TMEM132D: variants seen among roughly 807,000 people sequenced by gnomAD.
TMEM132D encodes mature OL transmembrane protein.
TMEM132D carries 21 observed loss-of-function variants against 62.3 expected under a neutral mutation model. The ratio of observed to expected loss-of-function variants is 0.34; its 90% confidence interval spans 0.24 to 0.49. The LOEUF is 0.49. TMEM132D is among the 20% of genes least tolerant of loss of function. TMEM132D has a pLI of 0.99. For missense variants in TMEM132D, 1,346 were observed against 1,402.8 expected, an observed-to-expected ratio of 0.96 and a Z score of 0.65; for synonymous variants, 621 against 575.6, an observed-to-expected ratio of 1.08 and a Z score of -1.13.
rs375067511 is a variant in TMEM132D at position 129,338,279 on chromosome 12, T to C, written c.1116-462A>G. On this transcript the variant is annotated intron_variant, in intron 3 of 8. Coordinates refer to ENST00000422113, the MANE Select transcript of TMEM132D (RefSeq NM_133448.3). ...GTCTGAGGGTGACACAGTTGTGTTA[T>C]TGGCAGTGATAAGACAGAATTGCAC... 8.5e-5 allele frequency among the ~76,000 whole-genome samples: 13 copies of C among 152,258 alleles called. No individual in the cohort carries two copies. In the East Asian group the frequency reaches 1.7e-3, roughly 20 times the overall value.
At chr12:129,273,914 T>C (rs1469268911) in intron 4 of TMEM132D, among the ~76,000 whole-genome samples, 3 of 150,526 alleles carry the variant, frequency 2.0e-5, no homozygotes, top group South Asian at 2.1e-4. Flanking sequence ...AAAACAAAAG[T>C]TGAAAAAAAA....
chr12:129,418,946 G>A (rs1229874460), intron 3 of TMEM132D, among the ~76,000 whole-genome samples: 1 of 152,122 alleles, frequency 6.6e-6, no homozygotes, highest in Non-Finnish European at 1.5e-5. Context: ...AGCAACGACA[G>A]CCAGCACAGG....
intron 4 of TMEM132D, among the ~76,000 whole-genome samples, chr12:129,222,386 C>T (rs995880422): frequency 6.6e-6 from 1 of 152,210 alleles, no homozygotes; most frequent in African/African-American, 2.4e-5. Flanking sequence ...CCACACTTCC[C>T]TAACTCCATT....
intron 2 of TMEM132D, among the ~76,000 whole-genome samples, chr12:129,552,221 A>C (rs1001488208): frequency 6.6e-6 from 1 of 151,548 alleles, no homozygotes; most frequent in Non-Finnish European, 1.5e-5. Context: ...TTGAGTTTGC[A>C]ACAAGAAAGT....
chr12:129,270,013 G>A (rs1174433290), intron 4 of TMEM132D, among the ~76,000 whole-genome samples: 6 of 152,110 alleles, frequency 3.9e-5, no homozygotes, highest in Admixed American at 6.5e-5. Flanking sequence ...AAAATCAAGC[G>A]AGCCACTCGG....
chr12:129,545,706 C>T (rs1212280252), intron 2 of TMEM132D, among the ~76,000 whole-genome samples: 1 of 152,160 alleles, frequency 6.6e-6, no homozygotes, highest in African/African-American at 2.4e-5. Context: ...TGAAAGCATC[C>T]GTTTAGGTGT....
intron 4 of TMEM132D, among the ~76,000 whole-genome samples, chr12:129,324,938 AG>A (rs1468367364): frequency 2.0e-5 from 3 of 152,242 alleles, no homozygotes; most frequent in Non-Finnish European, 2.9e-5. Flanking sequence ...TTTACTGTAA[AG>A]CCACTGAGTG....
At chr12:129,148,921 C>G (rs553540982) in intron 5 of TMEM132D, among the ~76,000 whole-genome samples, 97 of 151,830 alleles carry the variant, frequency 6.4e-4, no homozygotes, top group African/African-American at 2.3e-3. Flanking sequence ...CCCCGGATGG[C>G]GCTGGCTCCT....
At chr12:129,144,484 G>A (rs968915319) in intron 5 of TMEM132D, among the ~76,000 whole-genome samples, 1 of 152,164 alleles carries the variant, frequency 6.6e-6, no homozygotes, top group Non-Finnish European at 1.5e-5. Flanking sequence ...TTAAAGCTCA[G>A]GGAGAAGAAC....
At chr12:129,221,504 G>T (rs1879345191) in intron 4 of TMEM132D, among the ~76,000 whole-genome samples, 2 of 152,100 alleles carry the variant, frequency 1.3e-5, no homozygotes, top group Admixed American at 6.5e-5. Flanking sequence ...AGGATAGATT[G>T]CTCAGATATG....
chr12:129,456,855 AAG>A (rs1419346083), intron 3 of TMEM132D, among the ~76,000 whole-genome samples: 2 of 152,218 alleles, frequency 1.3e-5, no homozygotes, highest in Non-Finnish European at 2.9e-5. Context: ...GGTAAAAGAA[AAG>A]AGAGTAGGGA....
chr12:129,836,517 C>T (rs78642786), intron 1 of TMEM132D, among the ~76,000 whole-genome samples: 3,502 of 125,180 alleles, frequency 0.028, 130 homozygotes, highest in African/African-American at 0.09. Context: ...TGTGTGTGTG[C>T]GCGCGTGTGT....
chr12:129,152,640 A>G (rs1382304273), intron 5 of TMEM132D, among the ~76,000 whole-genome samples: 1 of 151,760 alleles, frequency 6.6e-6, no homozygotes, highest in African/African-American at 2.4e-5. Context: ...TCCCAGGTGG[A>G]GGGAATTTGG....
chr12:129,883,384 T>C (rs1874662018), intron 1 of TMEM132D, among the ~76,000 whole-genome samples: 1 of 152,146 alleles, frequency 6.6e-6, no homozygotes, highest in South Asian at 2.1e-4. Flanking sequence ...AAAACCTAAA[T>C]AAATTGTCAG....
At chr12:129,587,715 A>G (rs1368591503) in intron 2 of TMEM132D, among the ~76,000 whole-genome samples, 3 of 152,134 alleles carry the variant, frequency 2.0e-5, no homozygotes, top group African/African-American at 7.2e-5. Context: ...CACCATCCCT[A>G]TTCAATGGGC....
intron 1 of TMEM132D, among the ~76,000 whole-genome samples, chr12:129,830,328 T>G (rs528320902): frequency 1.1e-4 from 17 of 152,284 alleles, no homozygotes; most frequent in Non-Finnish European, 2.2e-4. Context: ...GAAAATATCT[T>G]GGGCCCTCAA....
intron 5 of TMEM132D, among the ~76,000 whole-genome samples, chr12:129,093,241 C>A (rs948480960): frequency 3.8e-4 from 58 of 152,292 alleles, no homozygotes; most frequent in Non-Finnish European, 1.5e-4. Flanking sequence ...GGTCCCCTCC[C>A]TAAATTCTGT....
In TMEM132D at chr12:129,513,457, G is replaced by A. The variant is rs981740653; in HGVS notation, c.1115+17602C>T. Among the ~76,000 whole-genome samples, 10 of 151,736 alleles carry A rather than the reference G, an allele frequency of 6.6e-5. No individual in the cohort carries two copies. In the East Asian group the frequency reaches 1.6e-3, roughly 24 times the overall value. On this transcript the variant is annotated intron_variant, in intron 3 of 8. Transcript: ENST00000422113. ...ATTGACCTGGAAAGATGTTCTTCAC[G>A]TAGTGGGAAAAAAACAAAAACAGGT... is the stretch of plus-strand genomic sequence containing the variant.
rs574011924 is a variant in TMEM132D, at chr12:129,867,217, G to A, written c.79+36044C>T. On this transcript the variant is annotated intron_variant, in intron 1 of 8. Coordinates refer to ENST00000422113, the MANE Select transcript of TMEM132D (RefSeq NM_133448.3). This position sits in a 1 kb window ranked among gnomAD's most constrained non-coding sequence, Gnocchi z 4.5. ...AGAAGTTGCAGTGAGCTAAGATCAT[G>A]CCACTGCACTCCAGCCTGGGTGACA... is the stretch of plus-strand genomic sequence containing the variant. Among the ~76,000 whole-genome samples, 26 of 152,234 alleles carry A rather than the reference G, an allele frequency of 1.7e-4. No individual in the cohort carries two copies. The highest frequency in any genetic ancestry group is 6.3e-4 in the African/African-American group (26 of 41,544).
Sources: gnomAD v4.1 joint callset for allele counts (sites outside exome capture counted in the v4.1 genomes callset) on GRCh38, gnomAD v4.1.1 for gene constraint, Gnocchi (gnomAD v3.1) non-coding constraint, MANE v1.5 for transcripts, NCBI Gene and HGNC (gene_info 2026-07-23, HGNC 2026-07-21) for gene names.